Variants in CUX1 observed in about 807,000 individuals in gnomAD.
CUX1 encodes cut like homeobox 1, also known as protein CASP.
In CUX1, 31 loss-of-function variants were observed where a neutral mutation model predicts 158.8. The ratio of observed to expected loss-of-function variants is 0.20; its 90% CI spans 0.15 to 0.26. CUX1 has a LOEUF of 0.26. Ranked by LOEUF, CUX1 falls within the 10% of genes least tolerant of loss-of-function variation. The probability of loss-of-function intolerance (pLI) is 1.00; values close to 1 mark genes in which losing one functional copy is unlikely to be tolerated. For synonymous variants in CUX1, 879 were observed against 862.1 expected (o/e 1.02, Z -0.34); for missense variants, 1,589 against 2,014.6 (o/e 0.79, Z 4.04).
intron 8 of CUX1, among the ~76,000 whole-genome samples, chr7:102,157,458 C>A (rs572654517): frequency 2.0e-5 from 3 of 152,164 alleles, no homozygotes; most frequent in Non-Finnish European, 4.4e-5. Context: ...CTCCCATAGG[C>A]TTTTGGAGTT....
chr7:101,984,150 G>A lies in CUX1; in HGVS notation c.142-43948G>A, dbSNP rs924632149. ...TATATACACACACACATATATATAT[G>A]TGTGTGTGTGTGTGTGTGTGTGTGT... On this transcript the variant is annotated intron_variant, in intron 2 of 23. Transcript: ENST00000292535. 1.0e-3 allele frequency among the ~76,000 whole-genome samples: 51 copies of A among 49,666 alleles called. 3 individuals are homozygous for A. Among genetic ancestry groups the A allele is most frequent in the South Asian group, 1.7e-3 (3 of 1,736 alleles). 32.6% of individuals were successfully genotyped at this position (49,666 alleles called of 152,430 possible).
chr7:102,126,841 A>T (rs1832688761), intron 8 of CUX1, among the ~76,000 whole-genome samples: 1 of 152,212 alleles, frequency 6.6e-6, no homozygotes. Context: ...ATAATTCTAC[A>T]ACTCACCATC....
chr7:101,923,221 G>A (rs980082689), intron 2 of CUX1, among the ~76,000 whole-genome samples: 3 of 152,152 alleles, frequency 2.0e-5, no homozygotes, highest in East Asian at 1.9e-4. Context: ...GTGCTCCTGC[G>A]ACATCGGCCT....
intron 18 of CUX1, among the ~76,000 whole-genome samples, chr7:102,203,311 G>A (rs965509509): frequency 6.6e-6 from 1 of 152,120 alleles, no homozygotes; most frequent in African/African-American, 2.4e-5. Flanking sequence ...GAGGGAGCAC[G>A]TGGCTGGATC....
At chr7:102,222,615 C>CT (rs1389600699) in intron 20 of CUX1, among the ~76,000 whole-genome samples, 1 of 151,928 alleles carries the variant, frequency 6.6e-6, no homozygotes, top group Non-Finnish European at 1.5e-5. Context: ...CTTTTTGTGA[C>CT]TCATCGTTAA....
At chr7:101,984,190 C>G (rs576642180) in intron 2 of CUX1, among the ~76,000 whole-genome samples, 3 of 130,630 alleles carry the variant, frequency 2.3e-5, no homozygotes, top group African/African-American at 8.8e-5. Context: ...GGACAGATGT[C>G]CAAAGTGTGT....
At chr7:102,168,938 C>CTTTTTTTTTTTTTTTTTTTTTTTTTTT (rs782482609) in intron 9 of CUX1, among the ~76,000 whole-genome samples, 2 of 52,684 alleles carry the variant, frequency 3.8e-5, no homozygotes, top group Admixed American at 2.1e-4. Flanking sequence ...CTTTTATTTT[C>CTTTTTTTTTTTTTTTTTTTTTTTTTTT]TTTTTTTTTT....
intron 1 of CUX1, among the ~76,000 whole-genome samples, chr7:101,863,563 C>A (rs1406716835): frequency 1.3e-5 from 2 of 152,190 alleles, no homozygotes; most frequent in Non-Finnish European, 2.9e-5. Flanking sequence ...GTTGGCCAGG[C>A]TTGTCTCAAA....
At chr7:102,138,076 T>G (rs1204954831) in intron 8 of CUX1, among the ~76,000 whole-genome samples, 1 of 151,908 alleles carries the variant, frequency 6.6e-6, no homozygotes, top group East Asian at 1.9e-4. Context: ...CTTAGCTACT[T>G]TGGAGACTGA....
chr7:101,850,558 T>A (rs1796172020), intron 1 of CUX1, among the ~76,000 whole-genome samples: 1 of 151,910 alleles, frequency 6.6e-6, no homozygotes, highest in African/African-American at 2.4e-5. Context: ...TTGTTGTATT[T>A]TTTGTAGAGA....
intron 1 of CUX1, among the ~76,000 whole-genome samples, chr7:101,828,940 C>T (rs1707589817): frequency 6.7e-6 from 1 of 148,472 alleles, no homozygotes; most frequent in East Asian, 2.1e-4. Context: ...GGGTGTGCCC[C>T]CTTTGGGATA....
intron 1 of CUX1, among the ~76,000 whole-genome samples, chr7:101,858,472 A>G (rs1797114647): frequency 6.6e-6 from 1 of 152,118 alleles, no homozygotes; most frequent in Non-Finnish European, 1.5e-5. Flanking sequence ...TTATCTGCAC[A>G]TGATCCCCTA....
chr7:102,116,259 T>C (rs1014396497), intron 8 of CUX1, among the ~76,000 whole-genome samples: 1 of 152,244 alleles, frequency 6.6e-6, no homozygotes, highest in South Asian at 2.1e-4. Flanking sequence ...TGTGTGGGGT[T>C]CTTGGCCCTT....
chr7:102,228,910 C>A (rs1024626275), intron 21 of CUX1, among the ~76,000 whole-genome samples: 1 of 152,170 alleles, frequency 6.6e-6, no homozygotes, highest in African/African-American at 2.4e-5. Flanking sequence ...TAACGGACCC[C>A]GGTTCTCACT....
chr7:101,971,658 G>A (rs1021701483), intron 2 of CUX1, among the ~76,000 whole-genome samples: 1 of 152,068 alleles, frequency 6.6e-6, no homozygotes, highest in Admixed American at 6.5e-5. Flanking sequence ...TGTGACTTAC[G>A]CTGTCCACAA....
At chr7:102,003,028 A>G (rs1276306409) in intron 2 of CUX1, among the ~76,000 whole-genome samples, 1 of 151,812 alleles carries the variant, frequency 6.6e-6, no homozygotes, top group Non-Finnish European at 1.5e-5. Flanking sequence ...CTGCCTCCTG[A>G]GTAGCTGGGA....
intron 8 of CUX1, among the ~76,000 whole-genome samples, chr7:102,155,071 A>G (rs1382035886): frequency 6.6e-6 from 1 of 152,192 alleles, no homozygotes; most frequent in Non-Finnish European, 1.5e-5. Flanking sequence ...TGAGATACGC[A>G]GGACCTAAGC....
At position 102,196,714 on chromosome 7, in the gene CUX1, C is replaced by A. The variant is rs781831809; in HGVS notation, c.1303C>A (p.Pro435Thr). Residue 435 changes from proline to threonine, a missense_variant, in exon 15 of 24, where the codon CCC becomes ACC. Transcript: ENST00000292535. The stretch of plus-strand genomic sequence containing the variant: ...GCCGGCCCCCCCTCCTTCTCAGTTG[C>A]CCCGCAACCCGGGGGAGCAGGCTTC... ...SLPAPPPSQL[P>T]RNPGEQASNT... The A allele has an allele frequency of 3.5e-4, 566 of 1,610,598 alleles. No homozygotes were observed. The highest frequency in any genetic ancestry group is 4.7e-4 in the Non-Finnish European group (550 of 1,177,756).
chr7:102,173,312 G>A (rs1554510937), intron 10 of CUX1, among the ~76,000 whole-genome samples: 1 of 152,152 alleles, frequency 6.6e-6, no homozygotes, highest in Non-Finnish European at 1.5e-5. Context: ...CAGTGAGATC[G>A]TGCCATTGCA....
Sources: allele counts gnomAD v4.1 joint callset (sites outside exome capture counted in the v4.1 genomes callset), GRCh38; gene constraint gnomAD v4.1.1; transcripts MANE v1.5; gene names NCBI Gene and HGNC (gene_info 2026-07-23, HGNC 2026-07-21).